The following AP1AR variants were observed in gnomAD, a reference collection of about 807,000 sequenced individuals.
AP1AR encodes the protein adaptor related protein complex 1 associated regulatory protein, also known as AP-1 complex-associated regulatory protein.
A neutral mutation model predicts 46.3 loss-of-function variants in AP1AR; 29 were observed. The observed-to-expected ratio is 0.63, with a 90% CI of 0.47 to 0.85. The LOEUF is 0.85. AP1AR is among the 40% of genes least tolerant of loss of function. The probability of loss-of-function intolerance (pLI) is 0.00; values close to 1 mark genes in which losing one functional copy is unlikely to be tolerated. For synonymous variants in AP1AR, 122 were observed against 122.9 expected (o/e 0.99, Z 0.05); for missense variants, 357 against 356.3 (o/e 1.00, Z -0.02).
intron 1 of AP1AR, among the ~76,000 whole-genome samples, chr4:112,236,400 C>CTTTT (rs35720859): frequency 3.7e-4 from 53 of 143,428 alleles, no homozygotes; most frequent in African/African-American, 1.1e-3. Context: ...ATTTCTAAGT[C>CTTTT]TTTTTTTTTT....
At chr4:112,260,935 TAG>T (rs1726415957) in intron 5 of AP1AR, 73 bp downstream of exon 5, 1 of 985,436 alleles carries the variant, frequency 1.0e-6, no homozygotes. Flanking sequence ...ATATATTGTG[TAG>T]AGTCTTTGGA....
chr4:112,244,535 A>G (rs1193805406), intron 1 of AP1AR, among the ~76,000 whole-genome samples: 1 of 152,170 alleles, frequency 6.6e-6, no homozygotes, highest in African/African-American at 2.4e-5. Flanking sequence ...TGCTTTTCTA[A>G]AACAGAGTTG....
rs1248544238 is a variant in AP1AR, at chr4:112,269,202, T to A, written c.*793T>A. 1 of 152,080 alleles carries A rather than the reference T, an allele frequency of 6.6e-6. No homozygotes were observed. Among genetic ancestry groups the A allele is most frequent in the Non-Finnish European group, 1.5e-5 (1 of 67,772 alleles). The allele number at this position is 152,080 out of a possible 1,614,324, so 9.4% of individuals were successfully genotyped here. ...TTTAGGTGCCATTATTTTTAAAAAA[T>A]TCTATATTTCCAATGAACGATGTTA... On this transcript the variant is annotated 3_prime_UTR_variant, in exon 10 of 10. Coordinates refer to ENST00000274000, the MANE Select transcript of AP1AR (RefSeq NM_018569.6).
At chr4:112,266,558 G>C (rs1476505976) in intron 8 of AP1AR, 30 bp from the exon 9 acceptor site, 1 of 1,601,346 alleles carries the variant, frequency 6.2e-7, no homozygotes, top group Non-Finnish European at 8.5e-7. Flanking sequence ...GTAGATGAGA[G>C]TATTCAATTG....
chr4:112,251,880 A>G (rs1725976766), intron 1 of AP1AR, among the ~76,000 whole-genome samples: 2 of 152,246 alleles, frequency 1.3e-5, no homozygotes, highest in African/African-American at 4.8e-5. Flanking sequence ...CAGCAGATAA[A>G]GATTATAGCA....
At chr4:112,259,957 A>AT (rs1250672973) in intron 4 of AP1AR, among the ~76,000 whole-genome samples, 1 of 151,242 alleles carries the variant, frequency 6.6e-6, no homozygotes, top group Non-Finnish European at 1.5e-5. Flanking sequence ...GCCTTTTAAG[A>AT]TAAAAAAAAG....
At chr4:112,258,561 A>G (rs529490368) in intron 4 of AP1AR, among the ~76,000 whole-genome samples, 1 of 152,328 alleles carries the variant, frequency 6.6e-6, no homozygotes, top group East Asian at 1.9e-4. Flanking sequence ...ACAAAATCCA[A>G]GAAGACATTT....
intron 1 of AP1AR, among the ~76,000 whole-genome samples, chr4:112,250,950 A>G (rs1370679235): frequency 6.6e-6 from 1 of 152,210 alleles, no homozygotes; most frequent in Non-Finnish European, 1.5e-5. Context: ...CCCAATTAAA[A>G]CTATCTTAGG....
intron 1 of AP1AR, among the ~76,000 whole-genome samples, chr4:112,252,625 C>T (rs1726007416): frequency 1.3e-5 from 2 of 152,068 alleles, no homozygotes; most frequent in South Asian, 4.1e-4. Context: ...CAATATTTGG[C>T]CCTAGTTGGA....
At chr4:112,261,549 TC>T (rs1726443332) in intron 5 of AP1AR, among the ~76,000 whole-genome samples, 3 of 151,246 alleles carry the variant, frequency 2.0e-5, no homozygotes, top group Non-Finnish European at 2.9e-5. Flanking sequence ...GTACTTATAA[TC>T]ATAAGTGTTA....
intron 6 of AP1AR, 48 bp from the exon 7 acceptor site, chr4:112,264,961 A>G (rs779950018): frequency 6.9e-7 from 1 of 1,447,406 alleles, no homozygotes; most frequent in South Asian, 1.3e-5. Flanking sequence ...TTTAAAATAT[A>G]TAATTTTACA....
Position 112,263,079 on chromosome 4 carries a change from T to C in AP1AR, c.374T>C (p.Leu125Pro). 1.2e-6 allele frequency: 2 copies of C among 1,612,786 alleles called. No individual in the cohort carries two copies. Among genetic ancestry groups the C allele is most frequent in the Non-Finnish European group, 1.7e-6 (2 of 1,179,334 alleles). ...GCCAGGGCAGCAAAGCAGCGAAAGC[T>C]CTTGGAGGTGAGGGGAAAAGACCCC... ...EAARAAKQRK[L>P]LEQERQRIVQ... Residue 125 changes from leucine (L) to proline (P), a missense_variant, in exon 6 of 10, where the codon CTC becomes CCC. Leu to Pro is a moderately conservative substitution (Grantham distance 98). Coordinates refer to ENST00000274000, the MANE Select transcript of AP1AR (RefSeq NM_018569.6).
intron 1 of AP1AR, 77 bp from the exon 2 acceptor site, chr4:112,253,131 A>G: frequency 9.1e-7 from 1 of 1,093,038 alleles, no homozygotes; most frequent in Non-Finnish European, 1.3e-6. Context: ...TTGAGGAAAT[A>G]AATGTTTTTA....
chr4:112,247,412 G>T (rs1484068941), intron 1 of AP1AR, among the ~76,000 whole-genome samples: 2 of 152,152 alleles, frequency 1.3e-5, no homozygotes, highest in East Asian at 1.9e-4. Context: ...TTGTAGTTTC[G>T]AATTTGAATA....
intron 6 of AP1AR, among the ~76,000 whole-genome samples, 167 bp downstream of exon 6, chr4:112,263,253 T>G (rs1726532113): frequency 6.6e-6 from 1 of 152,238 alleles, no homozygotes; most frequent in Non-Finnish European, 1.5e-5. Flanking sequence ...TAGTCAGTCA[T>G]TAACAGCTAG....
chr4:112,232,237 A>T, intron 1 of AP1AR, 63 bp downstream of exon 1: 1 of 1,243,412 alleles, frequency 8.0e-7, no homozygotes, highest in Non-Finnish European at 1.0e-6. Context: ...CCGGCGGGGA[A>T]TCCCTTTCAC....
rs576665408 is a variant in AP1AR, at chr4:112,253,956, C to G, written c.132+700C>G. The stretch of plus-strand genomic sequence containing the variant: ...GAATTAGATATTTAAAAATCACAAA[C>G]TAATATAAAAAAAGATAAAGATAAT... On this transcript the variant is annotated intron_variant, in intron 2 of 9. Transcript: ENST00000274000. Among the ~76,000 whole-genome samples the G allele has an allele frequency of 3.3e-5, 5 of 152,182 alleles. No homozygotes were observed. In the East Asian group the frequency reaches 9.6e-4, roughly 29 times the overall value.
intron 3 of AP1AR, among the ~76,000 whole-genome samples, chr4:112,256,058 C>G (rs1353387579): frequency 3.3e-5 from 5 of 151,292 alleles, no homozygotes; most frequent in African/African-American, 1.2e-4. Context: ...TTTAGTCCAG[C>G]CTTTCTCAGA....
rs777356762 is a variant in AP1AR, at chr4:112,231,963, G to A, written c.-129G>A. On this transcript the variant is annotated 5_prime_UTR_variant, in exon 1 of 10. Transcript: ENST00000274000. ...TCGCCCCGTGCCCTCACGCCGCCGG[G>A]CTCTGGCCGGCCCGCCCTCGGTCCT... 1.6e-5 allele frequency: 13 copies of A among 827,098 alleles called. No individual in the cohort carries two copies. The highest frequency in any genetic ancestry group is 2.1e-5 in the Non-Finnish European group (13 of 605,300). 51.2% of individuals were successfully genotyped at this position (827,098 alleles called of 1,614,324 possible).
Sources: allele counts gnomAD v4.1 joint callset (sites outside exome capture counted in the v4.1 genomes callset), GRCh38; gene constraint gnomAD v4.1.1; transcripts MANE v1.5; gene names NCBI Gene and HGNC (gene_info 2026-07-23, HGNC 2026-07-21).